Variants in ITPRID1 observed in about 807,000 individuals in gnomAD.
The protein encoded by ITPRID1 is ITPR interacting domain containing 1.
Under a neutral mutation model 95.4 loss-of-function variants are expected in ITPRID1, and 96 were observed. The observed-to-expected ratio is 1.01, with a 90% CI of 0.85 to 1.19. The LOEUF is 1.19. ITPRID1 is among the 50% of genes most tolerant of loss of function. ITPRID1 has a pLI of 0.00. For synonymous variants in ITPRID1, 510 were observed against 453.6 expected (o/e 1.12, Z -1.58); for missense variants, 1,339 against 1,252.9 (o/e 1.07, Z -1.04).
intron 5 of ITPRID1, among the ~76,000 whole-genome samples, chr7:31,557,392 T>G (rs1426021523): frequency 6.6e-6 from 1 of 152,038 alleles, no homozygotes; most frequent in Non-Finnish European, 1.5e-5. Context: ...ATAACATAGA[T>G]AGTTGGGATA....
chr7:31,639,921 AT>A (rs1233213452), intron 10 of ITPRID1, among the ~76,000 whole-genome samples: 1 of 152,016 alleles, frequency 6.6e-6, no homozygotes, highest in East Asian at 1.9e-4. Context: ...CAATTGATTG[AT>A]TTTTCTCCTC....
chr7:31,543,740 A>G (rs1279389153), intron 1 of ITPRID1, among the ~76,000 whole-genome samples: 1 of 151,930 alleles, frequency 6.6e-6, no homozygotes, highest in Non-Finnish European at 1.5e-5. Context: ...TTGACACTAT[A>G]TTTTACAAAG....
Position 31,577,864 on chromosome 7 carries a change from T to C in ITPRID1, c.600T>C (p.Gly200=). 1 of 1,583,952 alleles carries C rather than the reference T, an allele frequency of 6.3e-7. No individual in the cohort carries two copies. The highest frequency in any genetic ancestry group is 8.6e-7 in the Non-Finnish European group (1 of 1,165,568). ...TTTCGTGTTTCTTGTGTTGTGCAGG[T>C]CGTTTCCGACAGCTGGAAATCCTGG... is the stretch of plus-strand genomic sequence containing the variant. ...RMDIENPNLY[G]RFRQLEILDH... Residue 200 remains glycine, a splice_region_variant and synonymous_variant, in exon 9 of 15, where the codon GGT becomes GGC. Coordinates refer to ENST00000615280, the MANE Select transcript of ITPRID1 (RefSeq NM_001257967.3).
intron 5 of ITPRID1, among the ~76,000 whole-genome samples, chr7:31,558,539 CA>C (rs1479445026): frequency 6.6e-6 from 1 of 152,030 alleles, no homozygotes; most frequent in African/African-American, 2.4e-5. Context: ...TAAAGTTGGT[CA>C]AAGGGTATAA....
At chr7:31,542,480 G>C (rs1044982434) in intron 1 of ITPRID1, among the ~76,000 whole-genome samples, 1 of 152,094 alleles carries the variant, frequency 6.6e-6, no homozygotes, top group Non-Finnish European at 1.5e-5. Context: ...TTTAGGACAA[G>C]AATTTGCCAT....
chr7:31,529,507 A>G (rs1344142692), intron 1 of ITPRID1: 1 of 440,994 alleles, frequency 2.3e-6, no homozygotes, highest in African/African-American at 2.0e-5. Context: ...GTTACTAGTA[A>G]CTCCTGCCAT....
Position 31,633,322 on chromosome 7 carries a change from G to A in ITPRID1, c.1229-8854G>A, listed in dbSNP as rs76003779. ...ACAAATGTAAAATGCTAAGGTAGAG[G>A]TGGCCAATACAAAGACGAATTTCCT... On this transcript the variant is annotated intron_variant, in intron 10 of 14. Transcript: ENST00000615280. Among the ~76,000 whole-genome samples, 737 of 152,268 alleles carry A rather than the reference G, an allele frequency of 4.8e-3. 7 individuals are homozygous for A. Among genetic ancestry groups the A allele is most frequent in the African/African-American group, 0.017 (716 of 41,538 alleles).
chr7:31,646,143 T>G (rs1029699731), intron 12 of ITPRID1, among the ~76,000 whole-genome samples: 1 of 152,168 alleles, frequency 6.6e-6, no homozygotes, highest in Non-Finnish European at 1.5e-5. Context: ...TAAGTCATAT[T>G]TAGTTGTCTA....
Position 31,574,714 on chromosome 7 carries a change from A to T in ITPRID1, c.570A>T (p.Arg190=). The T allele has an allele frequency of 6.2e-7, 1 of 1,613,840 alleles. No individual in the cohort carries two copies. Among genetic ancestry groups the T allele is most frequent in the Non-Finnish European group, 8.5e-7 (1 of 1,179,804 alleles). The change falls in exon 8 of 15, where the codon CGA becomes CGT. Residue 190 remains arginine, a synonymous_variant. Coordinates refer to ENST00000615280, the MANE Select transcript of ITPRID1 (RefSeq NM_001257967.3). ...TTTTTCTTGAAGCTCAAAAGCAGCG[A>T]ATGGACATTGAGAACCCCAACTTGT... The part of the protein sequence containing the change: ...IRVFLEAQKQ[R]MDIENPNLYG...
At chr7:31,619,770 C>A (rs1055925603) in intron 10 of ITPRID1, among the ~76,000 whole-genome samples, 2 of 152,100 alleles carry the variant, frequency 1.3e-5, no homozygotes, top group Non-Finnish European at 2.9e-5. Flanking sequence ...TCAGTGGGTG[C>A]AGCGCACCAT....
chr7:31,635,431 A>C (rs189772541), intron 10 of ITPRID1, among the ~76,000 whole-genome samples: 1 of 152,324 alleles, frequency 6.6e-6, no homozygotes, highest in East Asian at 1.9e-4. Context: ...ACCTGAGAGA[A>C]CTATGCCCAA....
At chr7:31,610,467 C>G (rs906478367) in intron 10 of ITPRID1, among the ~76,000 whole-genome samples, 11 of 151,686 alleles carry the variant, frequency 7.3e-5, no homozygotes, top group Non-Finnish European at 1.5e-4. Flanking sequence ...ATAGATTAAA[C>G]ATTTCAATTT....
chr7:31,604,898 G>A (rs1583562665), intron 10 of ITPRID1, among the ~76,000 whole-genome samples: 1 of 152,306 alleles, frequency 6.6e-6, no homozygotes, highest in Non-Finnish European at 1.5e-5. Context: ...CACTTTGGGA[G>A]GTTGAGGCAG....
chr7:31,530,469 A>G (rs891697735), intron 1 of ITPRID1, among the ~76,000 whole-genome samples: 1 of 152,210 alleles, frequency 6.6e-6, no homozygotes, highest in Non-Finnish European at 1.5e-5. Context: ...TCAATAGCGT[A>G]TCTGGGGGGT....
intron 5 of ITPRID1, among the ~76,000 whole-genome samples, chr7:31,558,803 C>T (rs1384437156): frequency 6.6e-6 from 1 of 152,134 alleles, no homozygotes; most frequent in Non-Finnish European, 1.5e-5. Flanking sequence ...TGGTGTAAAT[C>T]AATTGTCATT....
At chr7:31,621,751 TA>T (rs1787922116) in intron 10 of ITPRID1, among the ~76,000 whole-genome samples, 1 of 144,704 alleles carries the variant, frequency 6.9e-6, no homozygotes, top group Non-Finnish European at 1.5e-5. Flanking sequence ...AATTCACACA[TA>T]ACAATATTAA....
At chr7:31,517,414 G>A (rs1716777442) in intron 1 of ITPRID1, 1 of 152,340 alleles carries the variant, frequency 6.6e-6, no homozygotes, top group Non-Finnish European at 1.5e-5. Context: ...GTGGCTGCGG[G>A]ACTTTCCAGC....
intron 10 of ITPRID1, among the ~76,000 whole-genome samples, chr7:31,624,356 A>G (rs38362): frequency 0.27 from 39,598 of 146,534 alleles, 5,864 homozygotes; most frequent in Non-Finnish European, 0.33. Context: ...GCATCACGCT[A>G]CCTGACTTCA....
intron 10 of ITPRID1, among the ~76,000 whole-genome samples, chr7:31,584,343 A>C (rs1235461655): frequency 6.6e-6 from 1 of 152,210 alleles, no homozygotes; most frequent in Non-Finnish European, 1.5e-5. Flanking sequence ...TGATTACATA[A>C]ATTCTTATCC....
Sources: allele counts gnomAD v4.1 joint callset (sites outside exome capture counted in the v4.1 genomes callset), GRCh38; gene constraint gnomAD v4.1.1; transcripts MANE v1.5; gene names NCBI Gene and HGNC (gene_info 2026-07-23, HGNC 2026-07-21).